RBFOX1: variants seen among roughly 807,000 people sequenced by gnomAD.
RBFOX1 encodes RNA binding protein fox-1 homolog 1.
RBFOX1 carries 8 observed loss-of-function variants against 57.7 expected under a neutral mutation model. The observed-to-expected ratio is 0.14, with a 90% CI of 0.08 to 0.25. The LOEUF (loss-of-function observed/expected upper bound fraction) is 0.25, where lower values mean the gene tolerates loss of function less well. Ranked by LOEUF, RBFOX1 falls within the 10% of genes least tolerant of loss-of-function variation. The probability of loss-of-function intolerance (pLI) is 1.00; values close to 1 mark genes in which losing one functional copy is unlikely to be tolerated. For missense variants in RBFOX1, 611 were observed against 548.5 expected (o/e 1.11, Z -1.14); for synonymous variants, 326 against 222.4 (o/e 1.47, Z -4.15).
chr16:7,031,862 A>C (rs543131864), intron 3 of RBFOX1, among the ~76,000 whole-genome samples: 1 of 152,240 alleles, frequency 6.6e-6, no homozygotes, highest in East Asian at 1.9e-4. Context: ...ACACACAGGG[A>C]GCTCCACTAC....
intron 3 of RBFOX1, among the ~76,000 whole-genome samples, chr16:6,797,377 C>T (rs1467059337): frequency 6.6e-6 from 1 of 152,038 alleles, no homozygotes; most frequent in East Asian, 1.9e-4. Context: ...AGATTATTAA[C>T]AGGTGGTCGA....
intron 4 of RBFOX1, among the ~76,000 whole-genome samples, chr16:7,260,417 G>A (rs2094872588): frequency 6.6e-6 from 1 of 152,020 alleles, no homozygotes; most frequent in Non-Finnish European, 1.5e-5. Context: ...ATTAACCAAA[G>A]ATCACCCACA....
chr16:7,048,681 A>G (rs1440719375), intron 3 of RBFOX1, among the ~76,000 whole-genome samples: 2 of 151,720 alleles, frequency 1.3e-5, no homozygotes, highest in East Asian at 3.9e-4. Context: ...TAAAGTTTTT[A>G]TTTGATAATT....
At chr16:6,941,191 C>CAT (rs1317526370) in intron 3 of RBFOX1, among the ~76,000 whole-genome samples, 25 of 151,396 alleles carry the variant, frequency 1.7e-4, no homozygotes, top group South Asian at 2.1e-4. Context: ...TCCATGCATA[C>CAT]ATATATATAT....
intron 11 of RBFOX1, among the ~76,000 whole-genome samples, chr16:7,641,504 T>C (rs1310421497): frequency 6.6e-6 from 1 of 152,236 alleles, no homozygotes; most frequent in Non-Finnish European, 1.5e-5. Flanking sequence ...TAGATTTATC[T>C]CCTTGAGTTT....
At chr16:7,392,859 GTTT>G (rs2098062357) in intron 4 of RBFOX1, among the ~76,000 whole-genome samples, 2 of 98,858 alleles carry the variant, frequency 2.0e-5, no homozygotes, top group Non-Finnish European at 4.5e-5. Context: ...GGTTTGGTTT[GTTT>G]GTTTGTTTGT....
At chr16:6,840,591 T>G (rs2093403688) in intron 3 of RBFOX1, among the ~76,000 whole-genome samples, 2 of 151,948 alleles carry the variant, frequency 1.3e-5, no homozygotes, top group Admixed American at 1.3e-4. Flanking sequence ...ATTAGTGCCT[T>G]CATAAAAAGG....
At chr16:7,059,133 G>A (rs914693054) in intron 4 of RBFOX1, among the ~76,000 whole-genome samples, 3 of 152,170 alleles carry the variant, frequency 2.0e-5, no homozygotes, top group African/African-American at 7.2e-5. Context: ...CTGGACATCA[G>A]ATAATGAAAC....
chr16:7,092,056 A>G (rs1258438264), intron 4 of RBFOX1, among the ~76,000 whole-genome samples: 1 of 152,222 alleles, frequency 6.6e-6, no homozygotes, highest in South Asian at 2.1e-4. Context: ...CACCTCTTCT[A>G]GCACCTAAGA....
intron 2 of RBFOX1, among the ~76,000 whole-genome samples, chr16:6,507,500 A>G (rs2096132000): frequency 2.1e-5 from 2 of 93,736 alleles, no homozygotes; most frequent in African/African-American, 9.9e-5. Context: ...ACAAGACCCT[A>G]TCTGTACAAA....
At chr16:6,228,749 C>T (rs751777736) in intron 1 of RBFOX1, among the ~76,000 whole-genome samples, 1 of 151,978 alleles carries the variant, frequency 6.6e-6, no homozygotes, top group Non-Finnish European at 1.5e-5. Flanking sequence ...ATGGAGAAAT[C>T]ATAGTTAGTA....
intron 1 of RBFOX1, among the ~76,000 whole-genome samples, chr16:6,162,047 A>C (rs2096883272): frequency 6.6e-6 from 1 of 152,240 alleles, no homozygotes; most frequent in African/African-American, 2.4e-5. Flanking sequence ...GCATTATAGG[A>C]AAGAAAACGC....
chr16:5,314,786 T>G (rs537371133), intron 1 of RBFOX1, among the ~76,000 whole-genome samples: 7 of 148,304 alleles, frequency 4.7e-5, no homozygotes, highest in African/African-American at 1.7e-4. Context: ...GAGGCATGAG[T>G]CACCACACCT....
At chr16:7,256,582 G>C (rs1243606346) in intron 4 of RBFOX1, among the ~76,000 whole-genome samples, 2 of 152,078 alleles carry the variant, frequency 1.3e-5, no homozygotes, top group Non-Finnish European at 2.9e-5. Context: ...TAAACTGTGT[G>C]TGCGTTGATG....
Position 6,335,903 on chromosome 16 carries a change from T to C in RBFOX1, c.-64+18846T>C, listed in dbSNP as rs74615515. 2.4e-3 allele frequency among the ~76,000 whole-genome samples: 368 copies of C among 150,870 alleles called. 4 individuals are homozygous for C. The highest frequency in any genetic ancestry group is 0.022 in the East Asian group (114 of 5,164). ...TTTCCTATGTCCATATGTCCATCAT[T>C]GTTCTCCAGGTATTGCCTGGTTTTC... On this transcript the variant is annotated intron_variant, in intron 2 of 15. Coordinates refer to ENST00000550418, the MANE Select transcript of RBFOX1 (RefSeq NM_018723.4).
At chr16:5,243,539 G>A (rs61087073) in intron 1 of RBFOX1, among the ~76,000 whole-genome samples, 7,139 of 152,160 alleles carry the variant, frequency 0.047, 573 homozygotes, top group African/African-American at 0.16. Flanking sequence ...GATGGTTAGC[G>A]GCATCTGTGG....
chr16:6,485,866 C>G (rs77949524), intron 2 of RBFOX1, among the ~76,000 whole-genome samples: 18,221 of 152,104 alleles, frequency 0.12, 1,980 homozygotes, highest in East Asian at 0.43. Flanking sequence ...AGTCTGGATT[C>G]ATTTTAATCT....
chr16:7,523,046 T>C (rs2077864660), intron 5 of RBFOX1, among the ~76,000 whole-genome samples: 1 of 152,204 alleles, frequency 6.6e-6, no homozygotes, highest in Non-Finnish European at 1.5e-5. Flanking sequence ...TTGCTATAGC[T>C]TAATTTGCAG....
chr16:5,622,836 CGT>C (rs2048238835), intron 3 of RBFOX1, among the ~76,000 whole-genome samples: 1 of 152,184 alleles, frequency 6.6e-6, no homozygotes, highest in African/African-American at 2.4e-5. Context: ...AATATCCTTA[CGT>C]GTACGATGGC....
Sources: allele counts gnomAD v4.1 joint callset (sites outside exome capture counted in the v4.1 genomes callset), GRCh38; gene constraint gnomAD v4.1.1; transcripts MANE v1.5; gene names NCBI Gene and HGNC (gene_info 2026-07-23, HGNC 2026-07-21).